BRWD1: variants seen among roughly 807,000 people sequenced by gnomAD.
BRWD1 encodes bromodomain and WD repeat-containing protein 1.
Under a neutral mutation model 251.2 loss-of-function variants are expected in BRWD1, and 82 were observed. The ratio of observed to expected loss-of-function variants is 0.33; its 90% CI spans 0.27 to 0.39. The LOEUF (loss-of-function observed/expected upper bound fraction) is 0.39. BRWD1 is among the 10% of genes least tolerant of loss of function. The pLI is 1.00. For missense variants in BRWD1, 2,233 were observed against 2,711.6 expected, an observed-to-expected ratio of 0.82 and a Z score of 3.92; for synonymous variants, 918 against 902.8, an observed-to-expected ratio of 1.02 and a Z score of -0.30.
At chr21:39,241,910 T>G (rs1427851216) in intron 21 of BRWD1, among the ~76,000 whole-genome samples, 3 of 152,236 alleles carry the variant, frequency 2.0e-5, no homozygotes, top group Non-Finnish European at 4.4e-5. Context: ...CTATTCTAAT[T>G]GTTTTGGGGG....
intron 1 of BRWD1, among the ~76,000 whole-genome samples, chr21:39,320,220 C>G (rs1328592654): frequency 1.3e-5 from 2 of 152,202 alleles, no homozygotes; most frequent in African/African-American, 2.4e-5. Flanking sequence ...TCCTGCCAAG[C>G]CACAGGTTGA....
In BRWD1 at chr21:39,195,210, CAA is replaced by C; in HGVS notation, c.*1047_*1048del. The C allele has an allele frequency of 9.6e-7, 1 of 1,038,560 alleles. No homozygotes were observed. The highest frequency in any genetic ancestry group is 1.2e-6 in the Non-Finnish European group (1 of 863,676). 64.3% of individuals were successfully genotyped at this position (1,038,560 alleles called of 1,614,324 possible). A position where few individuals can be genotyped will look rare whatever the true frequency, so the allele number is the denominator to read the frequency against. On this transcript the variant is annotated 3_prime_UTR_variant, in exon 41 of 41. Transcript: ENST00000342449. Reference sequence around the variant, plus strand: ...TGCACATGGAAGCAGTAAACTAAAACAAAGAGATGGAGAATGACATTTAGCTA... The same window carrying C: ...TGCACATGGAAGCAGTAAACTAAAACAGAGATGGAGAATGACATTTAGCTA...
At chr21:39,313,389 AAGCCGAAGC>A in intron 1 of BRWD1, 45 bp downstream of exon 1, 1 of 1,422,274 alleles carries the variant, frequency 7.0e-7, no homozygotes, top group Non-Finnish European at 9.3e-7. Flanking sequence ...GGAGCCGGGG[AAGCCGAAGC>A]AGCCGGGAGC....
At chr21:39,211,831 C>T (rs1284127991) in intron 34 of BRWD1, among the ~76,000 whole-genome samples, 3 of 152,056 alleles carry the variant, frequency 2.0e-5, no homozygotes, top group Non-Finnish European at 2.9e-5. Context: ...ATTAATATTT[C>T]ATAAAAAGCT....
chr21:39,204,697 G>A (rs2032305247), intron 37 of BRWD1, among the ~76,000 whole-genome samples: 1 of 152,174 alleles, frequency 6.6e-6, no homozygotes, highest in African/African-American at 2.4e-5. Flanking sequence ...TTTTTCCATG[G>A]ACTGGGACTG....
intron 29 of BRWD1, among the ~76,000 whole-genome samples, chr21:39,222,997 T>A (rs1039388835): frequency 1.2e-4 from 18 of 151,960 alleles, no homozygotes; most frequent in African/African-American, 4.4e-4. Context: ...CCCAAACTAA[T>A]GGAAATTCTA....
In BRWD1 at chr21:39,224,272, T is replaced by A. The variant is rs556174032; in HGVS notation, c.3382+136A>T. On this transcript the variant is annotated intron_variant, in intron 29 of 40. Transcript: ENST00000342449. ...ACAGATAAACACGATGCTGTTGTCTTCTTTCAGTAAAGTTCAGTTACTGTA... is the reference window on the plus strand; with the variant it reads ...ACAGATAAACACGATGCTGTTGTCTACTTTCAGTAAAGTTCAGTTACTGTA... 3.2e-5 allele frequency: 16 copies of A among 501,180 alleles called. No individual in the cohort carries two copies. The East Asian group carries it at 5.4e-4, about 17-fold the overall frequency. The allele number at this position is 501,180 out of a possible 1,614,324, so 31.0% of individuals were successfully genotyped here.
At chr21:39,257,946 A>G (rs1429976427) in intron 18 of BRWD1, among the ~76,000 whole-genome samples, 1 of 152,212 alleles carries the variant, frequency 6.6e-6, no homozygotes, top group East Asian at 1.9e-4. Flanking sequence ...TGTAAGTTTA[A>G]GAGAAAAAAA....
intron 39 of BRWD1, among the ~76,000 whole-genome samples, chr21:39,200,013 A>G (rs2032028907): frequency 6.6e-6 from 1 of 152,216 alleles, no homozygotes; most frequent in South Asian, 2.1e-4. Context: ...TCAGCCTCCC[A>G]AAGTGCTGGG....
At position 39,228,582 on chromosome 21, in the gene BRWD1, T is replaced by C; in HGVS notation, c.3126A>G (p.Arg1042=). The C allele has an allele frequency of 6.2e-7, 1 of 1,604,226 alleles. No individual in the cohort carries two copies. Among genetic ancestry groups the C allele is most frequent in the African/African-American group, 1.3e-5 (1 of 74,822 alleles). Residue 1042 remains arginine, a splice_region_variant and synonymous_variant, in exon 27 of 41, where the codon AGA becomes AGG. Coordinates refer to ENST00000342449, the MANE Select transcript of BRWD1 (RefSeq NM_033656.4). ...CAATAACATCTGGCATATCATGATA[T>C]CTAGACAAAAATTTAAAAAATTGTT... ...GKLMDKSFSI[R]YHDMPDVIDF...
At position 39,311,158 on chromosome 21, in the gene BRWD1, T is replaced by C. The variant is rs535343374; in HGVS notation, c.198+1683A>G. On this transcript the variant is annotated intron_variant, in intron 4 of 40. Transcript: ENST00000342449. Reference sequence around the variant, plus strand: ...AATTCTACCAACAAAAGCCAAAAAATTTATATAAATTTTTTTTTTAAAAAA... The same window carrying C: ...AATTCTACCAACAAAAGCCAAAAAACTTATATAAATTTTTTTTTTAAAAAA... 2.6e-5 allele frequency among the ~76,000 whole-genome samples: 4 copies of C among 151,838 alleles called. No homozygotes were observed. The South Asian group carries it at 6.2e-4, about 24-fold the overall frequency.
At chr21:39,310,791 T>C (rs1412620047) in intron 4 of BRWD1, among the ~76,000 whole-genome samples, 1 of 152,174 alleles carries the variant, frequency 6.6e-6, no homozygotes, top group Non-Finnish European at 1.5e-5. Context: ...TAGGCAGGTC[T>C]AGAACTCCTG....
chr21:39,236,387 G>A (rs73357888), intron 23 of BRWD1, among the ~76,000 whole-genome samples: 2,887 of 152,162 alleles, frequency 0.019, 85 homozygotes, highest in African/African-American at 0.066. Flanking sequence ...GAATCCCCAA[G>A]ACACACAGGG....
intron 40 of BRWD1, among the ~76,000 whole-genome samples, 169 bp from the exon 41 acceptor site, chr21:39,197,584 C>T (rs2146456410): frequency 6.6e-6 from 1 of 152,278 alleles, no homozygotes; most frequent in Non-Finnish European, 1.5e-5. Context: ...AGCAAGGATA[C>T]GTTCTGAGAA....
intron 21 of BRWD1, among the ~76,000 whole-genome samples, chr21:39,242,016 T>C (rs879900469): frequency 1.3e-5 from 2 of 152,182 alleles, no homozygotes; most frequent in Non-Finnish European, 2.9e-5. Flanking sequence ...ATATTGCAAT[T>C]AGACCTACTA....
In BRWD1 at chr21:39,186,832, TTCC is replaced by T. The variant is rs1189980009; in HGVS notation, c.*9424_*9426del. Reference sequence around the variant, plus strand: ...TCCACCTACAGACTCTGCAATTTATTTCCTCCTCAGAATTCCCCAGAGCACATG... The same window carrying T: ...TCCACCTACAGACTCTGCAATTTATTTCCTCAGAATTCCCCAGAGCACATG... On this transcript the variant is annotated 3_prime_UTR_variant, in exon 41 of 41. Transcript: ENST00000342449. 1.1e-6 allele frequency: 1 copy of T among 889,812 alleles called. No individual in the cohort carries two copies. Among genetic ancestry groups the T allele is most frequent in the Non-Finnish European group, 1.5e-6 (1 of 647,908 alleles). 55.1% of individuals were successfully genotyped at this position (889,812 alleles called of 1,614,324 possible). A position where few individuals can be genotyped will look rare whatever the true frequency, so the allele number is the denominator to read the frequency against.
Position 39,270,354 on chromosome 21 carries a change from C to A in BRWD1, c.1324G>T (p.Val442Phe). ...IAWNQNDSIV[V>F]TAVNDHVLKV... ...AGGACATGATCATTCACAGCTGTGA[C>A]AACAATGCTATCATTTTGATTCCAA... Residue 442 changes from valine to phenylalanine, a missense_variant, in exon 14 of 41, where the codon GTC (valine) becomes TTC (phenylalanine). By Grantham distance (50) the Val-to-Phe change is conservative. Coordinates refer to ENST00000342449, the MANE Select transcript of BRWD1 (RefSeq NM_033656.4). 6.2e-7 allele frequency: 1 copy of A among 1,612,950 alleles called. No individual in the cohort carries two copies. The highest frequency in any genetic ancestry group is 8.5e-7 in the Non-Finnish European group (1 of 1,179,386).
chr21:39,309,135 C>T (rs140408855), intron 4 of BRWD1, among the ~76,000 whole-genome samples: 2,313 of 152,130 alleles, frequency 0.015, 59 homozygotes, highest in African/African-American at 0.053. Flanking sequence ...GATCACACCA[C>T]TGCACTCCAG....
In BRWD1 at chr21:39,286,078, G is replaced by A. The variant is rs2481862; in HGVS notation, c.832-5830C>T. Among the ~76,000 whole-genome samples, 289 of 142,884 alleles carry A rather than the reference G, an allele frequency of 2.0e-3. 1 individual carries two copies. Among genetic ancestry groups the A allele is most frequent in the Non-Finnish European group, 3.6e-3 (238 of 66,670 alleles). 93.7% of individuals were successfully genotyped at this position (142,884 alleles called of 152,430 possible). A position where few individuals can be genotyped will look rare whatever the true frequency, so the allele number is the denominator to read the frequency against. ...CGCCCAGGCTAGAGTGCAGTGGTGC[G>A]ATCTCGGCTCACTGCAAGCTCCGTC... On this transcript the variant is annotated intron_variant, in intron 8 of 40. Coordinates refer to ENST00000342449, the MANE Select transcript of BRWD1 (RefSeq NM_033656.4).
Sources: allele counts gnomAD v4.1 joint callset (sites outside exome capture counted in the v4.1 genomes callset), GRCh38; gene constraint gnomAD v4.1.1; transcripts MANE v1.5; gene names NCBI Gene and HGNC (gene_info 2026-07-23, HGNC 2026-07-21).